The following SUMF1 variants were observed in gnomAD, a reference collection of about 807,000 sequenced individuals.
The protein encoded by SUMF1 is sulfatase modifying factor 1, also known as formylglycine-generating enzyme.
A neutral mutation model predicts 47.6 loss-of-function variants in SUMF1; 48 were observed. The ratio of observed to expected loss-of-function variants is 1.01; its 90% confidence interval spans 0.80 to 1.28. The LOEUF (loss-of-function observed/expected upper bound fraction) is 1.28, where lower values mean the gene tolerates loss of function less well. Ranked by LOEUF, SUMF1 falls within the 50% of genes most tolerant of loss-of-function variation. SUMF1 has a pLI of 0.00. For missense variants in SUMF1, 571 were observed against 485.4 expected (o/e 1.18, Z -1.66); for synonymous variants, 230 against 192.1 (o/e 1.20, Z -1.63).
intron 8 of SUMF1, among the ~76,000 whole-genome samples, chr3:4,271,713 G>A (rs943293268): frequency 6.6e-6 from 1 of 152,106 alleles, no homozygotes; most frequent in Non-Finnish European, 1.5e-5. Context: ...TGTTGCCCAG[G>A]CTACTCTCAA....
chr3:4,044,244 T>C (rs1694965932), intron 9 of SUMF1, among the ~76,000 whole-genome samples: 1 of 152,148 alleles, frequency 6.6e-6, no homozygotes, highest in Non-Finnish European at 1.5e-5. Context: ...CCTTCCTCCT[T>C]TCCTTGCTGT....
At chr3:4,432,868 T>G (rs1271297560) in intron 3 of SUMF1, among the ~76,000 whole-genome samples, 1 of 152,178 alleles carries the variant, frequency 6.6e-6, no homozygotes. Flanking sequence ...GGATAAACAT[T>G]ATTTTTCATG....
intron 8 of SUMF1, among the ~76,000 whole-genome samples, chr3:4,108,568 C>G (rs908427750): frequency 6.6e-6 from 1 of 152,024 alleles, no homozygotes; most frequent in African/African-American, 2.4e-5. Flanking sequence ...AAGTCTCTTT[C>G]TAGGTCTCTA....
At chr3:4,098,649 TC>T in intron 8 of SUMF1, among the ~76,000 whole-genome samples, 1 of 152,132 alleles carries the variant, frequency 6.6e-6, no homozygotes, top group Non-Finnish European at 1.5e-5. Flanking sequence ...CACAATATTT[TC>T]CCCCTAGAAA....
chr3:4,153,596 A>G (rs574744685), intron 8 of SUMF1, among the ~76,000 whole-genome samples: 18 of 150,878 alleles, frequency 1.2e-4, no homozygotes, highest in Admixed American at 5.9e-4. Flanking sequence ...AATAAAAAAT[A>G]TATTCAAGCC....
chr3:4,427,933 G>T (rs906719559), intron 3 of SUMF1, among the ~76,000 whole-genome samples: 1 of 151,926 alleles, frequency 6.6e-6, no homozygotes, highest in Admixed American at 6.6e-5. Context: ...CAGGGCAGGG[G>T]GAACTGATTT....
At chr3:4,421,012 T>G (rs1306457381) in intron 3 of SUMF1, among the ~76,000 whole-genome samples, 1 of 152,136 alleles carries the variant, frequency 6.6e-6, no homozygotes, top group Non-Finnish European at 1.5e-5. Context: ...CTCACCTAAC[T>G]CAGAATACAG....
intron 8 of SUMF1, among the ~76,000 whole-genome samples, chr3:4,297,854 A>C (rs1697884980): frequency 6.6e-6 from 1 of 152,220 alleles, no homozygotes; most frequent in South Asian, 2.1e-4. Flanking sequence ...CTTTGATAAA[A>C]GAATGGCTTC....
chr3:4,168,100 G>T (rs548923455), intron 8 of SUMF1, among the ~76,000 whole-genome samples: 1 of 152,218 alleles, frequency 6.6e-6, no homozygotes, highest in East Asian at 1.9e-4. Flanking sequence ...TATTTTCAGG[G>T]AGTTTACAGT....
chr3:4,282,323 T>C (rs768934465), intron 8 of SUMF1, among the ~76,000 whole-genome samples: 2 of 152,182 alleles, frequency 1.3e-5, no homozygotes, highest in African/African-American at 2.4e-5. Context: ...TGGTTGCTAA[T>C]AAAATACAGT....
At chr3:4,346,939 T>C (rs1337339941) in intron 8 of SUMF1, among the ~76,000 whole-genome samples, 2 of 152,070 alleles carry the variant, frequency 1.3e-5, no homozygotes, top group African/African-American at 4.8e-5. Flanking sequence ...CTAGAAGAAA[T>C]GGATAAATTC....
At chr3:4,360,278 C>T (rs1045860177), downstream of SUMF1, among the ~76,000 whole-genome samples, 1 of 132,330 alleles carries the variant, frequency 7.6e-6, no homozygotes, top group Non-Finnish European at 1.5e-5. Context: ...TTGATATCTA[C>T]AAAATGAACC....
At chr3:4,173,671 C>A (rs1344391287) in intron 8 of SUMF1, among the ~76,000 whole-genome samples, 1 of 152,144 alleles carries the variant, frequency 6.6e-6, no homozygotes, top group Admixed American at 6.5e-5. Context: ...AAATGTGGCA[C>A]ATATACACCA....
intron 8 of SUMF1, among the ~76,000 whole-genome samples, chr3:4,211,121 T>TATATAC (rs150373609): frequency 4.7e-5 from 6 of 128,314 alleles, no homozygotes; most frequent in Non-Finnish European, 6.6e-5. Flanking sequence ...TATATATATA[T>TATATAC]ACACACACAC....
At chr3:4,315,775 A>T (rs1435434608) in intron 8 of SUMF1, among the ~76,000 whole-genome samples, 1 of 152,136 alleles carries the variant, frequency 6.6e-6, no homozygotes, top group Non-Finnish European at 1.5e-5. Context: ...GGCTGGGTGC[A>T]GTGGCTCACA....
chr3:4,247,487 T>G (rs974756423), intron 8 of SUMF1, among the ~76,000 whole-genome samples: 3 of 152,214 alleles, frequency 2.0e-5, no homozygotes, highest in African/African-American at 7.2e-5. Context: ...ATTCTCTGCA[T>G]GAATCATTCA....
In SUMF1 at chr3:4,418,073, GC is replaced by G. The variant is rs770241913; in HGVS notation, c.661del (p.Ala221GlnfsTer47). On this transcript the variant is annotated frameshift_variant, in exon 5 of 9. Transcript: ENST00000272902. LOFTEE classifies it high-confidence loss of function. ...AGCTTCCGTGGGCAGCCGCTTCCCTGCCCAAGTGCAGTAGGCAACCGCATCA... is the reference window on the plus strand; with the variant it reads ...AGCTTCCGTGGGCAGCCGCTTCCCTGCCAAGTGCAGTAGGCAACCGCATCA... ...WNDAVAYCTW[A>X]GKRLPTEAEW... is the part of the protein sequence containing the mutation. 7.4e-6 allele frequency: 12 copies of G among 1,614,058 alleles called. No individual in the cohort carries two copies. Among genetic ancestry groups the G allele is most frequent in the Non-Finnish European group, 1.0e-5 (12 of 1,180,026 alleles).
chr3:4,245,984 G>A (rs1407973409), intron 8 of SUMF1, among the ~76,000 whole-genome samples: 2 of 152,174 alleles, frequency 1.3e-5, no homozygotes, highest in Non-Finnish European at 2.9e-5. Flanking sequence ...CCCTTTCCCT[G>A]CCAAGCTCCA....
rs943232221 is a variant in SUMF1 at position 4,412,086 on chromosome 3, A to T, written c.841-1108T>A. On this transcript the variant is annotated intron_variant, in intron 6 of 8. Transcript: ENST00000272902. ...AAGAACTTAATCTGGATGAGTTGGA[A>T]AGCTGAAAATTCTCACCACACTGCT... Among the ~76,000 whole-genome samples, 9 of 152,350 alleles carry T rather than the reference A, an allele frequency of 5.9e-5. 1 individual carries two copies. Among genetic ancestry groups the T allele is most frequent in the Admixed American group, 6.5e-5 (1 of 15,306 alleles).
Sources: allele counts gnomAD v4.1 joint callset (sites outside exome capture counted in the v4.1 genomes callset), GRCh38; gene constraint gnomAD v4.1.1; transcripts MANE v1.5; gene names NCBI Gene and HGNC (gene_info 2026-07-23, HGNC 2026-07-21).